The following EPB41L3 variants were observed in gnomAD, a reference collection of about 807,000 sequenced individuals.
EPB41L3 encodes erythrocyte membrane protein band 4.1 like 3, also known as band 4.1-like protein 3.
A neutral mutation model predicts 127.1 loss-of-function variants in EPB41L3; 57 were observed. The observed-to-expected ratio is 0.45, with a 90% confidence interval of 0.36 to 0.56. The LOEUF (loss-of-function observed/expected upper bound fraction) is 0.56. Ranked by LOEUF, EPB41L3 falls within the 20% of genes least tolerant of loss-of-function variation. EPB41L3 has a pLI of 0.00. For synonymous variants in EPB41L3, 572 were observed against 549.5 expected, an observed-to-expected ratio of 1.04 and a Z score of -0.57; for missense variants, 1,273 against 1,372.2, an observed-to-expected ratio of 0.93 and a Z score of 1.14.
intron 3 of EPB41L3, among the ~76,000 whole-genome samples, chr18:5,572,182 A>T (rs1452743118): frequency 6.6e-6 from 1 of 152,186 alleles, no homozygotes; most frequent in Non-Finnish European, 1.5e-5. Context: ...AACTTGTCTT[A>T]GGTTTTAGTA....
chr18:5,579,681 T>C (rs796112993), intron 3 of EPB41L3, among the ~76,000 whole-genome samples: 10 of 152,328 alleles, frequency 6.6e-5, no homozygotes, highest in African/African-American at 2.4e-4. Flanking sequence ...CTATAGGTCA[T>C]AGCCAGAGCT....
chr18:5,575,858 G>T (rs186098981), intron 3 of EPB41L3, among the ~76,000 whole-genome samples: 1 of 152,184 alleles, frequency 6.6e-6, no homozygotes, highest in Non-Finnish European at 1.5e-5. Flanking sequence ...ATCTAATACA[G>T]CCTGCAGAAC....
intron 1 of EPB41L3, among the ~76,000 whole-genome samples, chr18:5,494,104 C>G (rs2090900731): frequency 6.6e-6 from 1 of 152,156 alleles, no homozygotes; most frequent in Admixed American, 6.5e-5. Context: ...ATAAATACAA[C>G]TCTTCTTCTC....
chr18:5,558,208 C>A (rs1369722595), intron 3 of EPB41L3, among the ~76,000 whole-genome samples: 2 of 152,060 alleles, frequency 1.3e-5, no homozygotes, highest in African/African-American at 4.8e-5. Context: ...TTTTTACTTG[C>A]CAGAAGACAA....
intron 5 of EPB41L3, among the ~76,000 whole-genome samples, chr18:5,442,740 A>C (rs2080962635): frequency 6.6e-6 from 1 of 152,200 alleles, no homozygotes; most frequent in Non-Finnish European, 1.5e-5. Flanking sequence ...ATTAGTATCC[A>C]TGTTTGCGGC....
chr18:5,541,989 C>T (rs1171201549), intron 1 of EPB41L3, among the ~76,000 whole-genome samples: 1 of 152,206 alleles, frequency 6.6e-6, no homozygotes, highest in Non-Finnish European at 1.5e-5. Flanking sequence ...ACCAGAAAAC[C>T]ATAATGCAAA....
chr18:5,430,483 C>G (rs913385077), intron 8 of EPB41L3, among the ~76,000 whole-genome samples: 1 of 150,538 alleles, frequency 6.6e-6, no homozygotes, highest in African/African-American at 2.4e-5. Context: ...ATTAATCGCA[C>G]GGCAAAAAAA....
chr18:5,463,423 A>G (rs2084385402), intron 3 of EPB41L3, among the ~76,000 whole-genome samples: 1 of 152,156 alleles, frequency 6.6e-6, no homozygotes, highest in African/African-American at 2.4e-5. Flanking sequence ...GTGATGCTGG[A>G]GGGCACAGCT....
At chr18:5,599,827 A>G (rs911008613) in intron 3 of EPB41L3, among the ~76,000 whole-genome samples, 5 of 152,160 alleles carry the variant, frequency 3.3e-5, no homozygotes, top group Admixed American at 3.3e-4. Context: ...ACCTAGTCTC[A>G]GGTATTTCTT....
Position 5,419,808 on chromosome 18 carries a change from G to C in EPB41L3, c.1409C>G (p.Pro470Arg). ...SQTNLITTVTPEKKAEEERDE... is the reference protein window; with the variant it reads ...SQTNLITTVTREKKAEEERDE... The stretch of plus-strand genomic sequence containing the variant: ...CCGCTCCTCCTCAGCCTTCTTCTCC[G>C]GAGTCACAGTGGTGATCAAGTTGGT... The change falls in exon 12 of 23, where the codon CCG becomes CGG. Residue 470 changes from proline (P) to arginine (R), a missense_variant. Around this residue, in one of 3 missense-constraint regions of EPB41L3, gnomAD observed 765 missense variants for 782.9 expected, o/e 0.98. Transcript: ENST00000341928. 6.2e-7 allele frequency: 1 copy of C among 1,614,088 alleles called. No homozygotes were observed. Among genetic ancestry groups the C allele is most frequent in the South Asian group, 1.1e-5 (1 of 91,072 alleles).
At position 5,396,385 on chromosome 18, in the gene EPB41L3, T is replaced by C. The variant is rs535393984; in HGVS notation, c.2842-53A>G. ...GCTGTTATAGTTTGCATGAACACATTGTTTTCTTCCTTTTCCTCTCTTGGT... is the reference window on the plus strand; with the variant it reads ...GCTGTTATAGTTTGCATGAACACATCGTTTTCTTCCTTTTCCTCTCTTGGT... On this transcript the variant is annotated intron_variant, in intron 18 of 22. Transcript: ENST00000341928. 3.1e-6 allele frequency: 5 copies of C among 1,607,994 alleles called. No homozygotes were observed. The African/African-American group carries it at 4.0e-5, about 13-fold the overall frequency.
At chr18:5,458,755 C>T (rs1195144612) in intron 3 of EPB41L3, among the ~76,000 whole-genome samples, 2 of 152,146 alleles carry the variant, frequency 1.3e-5, no homozygotes, top group Non-Finnish European at 2.9e-5. Flanking sequence ...GTAGCAGTCA[C>T]CATATTTAGC....
At chr18:5,562,237 T>C (rs897786780) in intron 3 of EPB41L3, among the ~76,000 whole-genome samples, 3 of 152,208 alleles carry the variant, frequency 2.0e-5, no homozygotes, top group East Asian at 3.9e-4. Context: ...GAATGTGGTA[T>C]ATATAGGAAC....
chr18:5,548,814 T>C (rs2093923356), upstream of EPB41L3, among the ~76,000 whole-genome samples: 3 of 152,318 alleles, frequency 2.0e-5, no homozygotes, highest in Middle Eastern at 3.4e-3. Flanking sequence ...AATGGTAAAA[T>C]ATGAATGCTA....
chr18:5,427,175 C>G (rs2078304569), intron 9 of EPB41L3, among the ~76,000 whole-genome samples: 1 of 151,906 alleles, frequency 6.6e-6, no homozygotes, highest in African/African-American at 2.4e-5. Flanking sequence ...AGCCGATATT[C>G]TGATTTTTTA....
intron 1 of EPB41L3, among the ~76,000 whole-genome samples, chr18:5,525,951 G>A (rs949795408): frequency 2.6e-5 from 4 of 152,142 alleles, no homozygotes; most frequent in African/African-American, 9.7e-5. Flanking sequence ...GGATGGTAAT[G>A]ATGCTGGTAT....
At chr18:5,453,318 T>A (rs1490573530) in intron 3 of EPB41L3, among the ~76,000 whole-genome samples, 1 of 152,154 alleles carries the variant, frequency 6.6e-6, no homozygotes, top group African/African-American at 2.4e-5. Context: ...AGCTGTACAA[T>A]CATGAAGAGA....
chr18:5,606,825 A>G (rs551754937), intron 3 of EPB41L3, among the ~76,000 whole-genome samples: 3 of 152,064 alleles, frequency 2.0e-5, no homozygotes, highest in Non-Finnish European at 4.4e-5. Context: ...GAAATGGGAT[A>G]AATAAGCAAG....
At chr18:5,429,551 C>A (rs1426286636) in intron 8 of EPB41L3, among the ~76,000 whole-genome samples, 1 of 152,106 alleles carries the variant, frequency 6.6e-6, no homozygotes, top group Non-Finnish European at 1.5e-5. Flanking sequence ...GAAGCTATGC[C>A]CAGGTCTGCT....
Sources: allele counts gnomAD v4.1 joint callset (sites outside exome capture counted in the v4.1 genomes callset), GRCh38; gene constraint gnomAD v4.1.1; regional missense constraint gnomAD v4.1.1; transcripts MANE v1.5; gene names NCBI Gene and HGNC (gene_info 2026-07-23, HGNC 2026-07-21).